The following PTPRD variants were observed in gnomAD, a reference collection of about 807,000 sequenced individuals.
The protein encoded by PTPRD is protein tyrosine phosphatase receptor type D, also known as receptor-type tyrosine-protein phosphatase delta.
In PTPRD, 34 loss-of-function variants were observed where a neutral mutation model predicts 214.5. The observed-to-expected ratio is 0.16, with a 90% CI of 0.12 to 0.21. The LOEUF (loss-of-function observed/expected upper bound fraction) is 0.21. PTPRD is among the 10% of genes least tolerant of loss of function. The probability of loss-of-function intolerance (pLI) is 1.00; values close to 1 mark genes in which losing one functional copy is unlikely to be tolerated. For missense variants in PTPRD, 2,545 were observed against 2,398.7 expected (o/e 1.06, Z -1.27); for synonymous variants, 1,128 against 845.7 (o/e 1.33, Z -5.79).
intron 2 of PTPRD, among the ~76,000 whole-genome samples, chr9:10,345,984 G>A (rs970268362): frequency 3.9e-5 from 6 of 152,032 alleles, no homozygotes; most frequent in East Asian, 3.9e-4. Context: ...ATTTCATTGC[G>A]GTTTTGATTT....
chr9:9,361,900 C>T (rs747902697), intron 9 of PTPRD, among the ~76,000 whole-genome samples: 3 of 150,798 alleles, frequency 2.0e-5, no homozygotes, highest in African/African-American at 7.3e-5. Context: ...CAGGAATAAA[C>T]AAGGATAGAA....
At chr9:9,797,926 G>A (rs1426630616) in intron 5 of PTPRD, among the ~76,000 whole-genome samples, 1 of 152,140 alleles carries the variant, frequency 6.6e-6, no homozygotes, top group Non-Finnish European at 1.5e-5. Context: ...GAAAATGATG[G>A]ATTTGAGGTG....
At chr9:8,842,071 A>G (rs191819944) in intron 11 of PTPRD, among the ~76,000 whole-genome samples, 25 of 152,286 alleles carry the variant, frequency 1.6e-4, no homozygotes, top group African/African-American at 5.3e-4. Flanking sequence ...AACAAAAATA[A>G]CTTCTTGTAT....
At chr9:8,548,934 G>C (rs1348086211) in intron 14 of PTPRD, among the ~76,000 whole-genome samples, 1 of 151,790 alleles carries the variant, frequency 6.6e-6, no homozygotes, top group Admixed American at 6.6e-5. Context: ...CAGGTGATCC[G>C]CCTGCCTCGG....
chr9:9,093,946 A>G (rs745371955), intron 10 of PTPRD, among the ~76,000 whole-genome samples: 3 of 152,138 alleles, frequency 2.0e-5, no homozygotes, highest in Non-Finnish European at 2.9e-5. Flanking sequence ...GAAAGAAAAA[A>G]AAAGGCACAA....
intron 14 of PTPRD, among the ~76,000 whole-genome samples, chr9:8,562,876 G>A (rs1254917194): frequency 7.0e-6 from 1 of 142,088 alleles, no homozygotes; most frequent in Non-Finnish European, 1.5e-5. Context: ...GAGGTTTTAT[G>A]GTATTATGAT....
chr9:9,621,445 A>C (rs2095234298), intron 7 of PTPRD, among the ~76,000 whole-genome samples: 1 of 152,314 alleles, frequency 6.6e-6, no homozygotes, highest in Non-Finnish European at 1.5e-5. Flanking sequence ...GTTCCATAGA[A>C]GTTCTGTGTA....
chr9:9,923,355 A>G (rs1015202094), intron 5 of PTPRD, among the ~76,000 whole-genome samples: 1 of 151,850 alleles, frequency 6.6e-6, no homozygotes, highest in African/African-American at 2.4e-5. Flanking sequence ...GGAAAACGAC[A>G]AAAGACAGGA....
At chr9:9,889,404 T>C (rs998254702) in intron 5 of PTPRD, among the ~76,000 whole-genome samples, 1 of 152,018 alleles carries the variant, frequency 6.6e-6, no homozygotes, top group East Asian at 1.9e-4. Context: ...AATTAAAAAA[T>C]ACAAATTTAA....
chr9:10,170,867 TAAC>T (rs1193487799), intron 3 of PTPRD, among the ~76,000 whole-genome samples: 1 of 152,164 alleles, frequency 6.6e-6, no homozygotes. Flanking sequence ...TAAACATTCA[TAAC>T]AACATTTTTT....
At chr9:9,959,817 G>T (rs1449169626) in intron 4 of PTPRD, among the ~76,000 whole-genome samples, 1 of 152,158 alleles carries the variant, frequency 6.6e-6, no homozygotes, top group Non-Finnish European at 1.5e-5. Flanking sequence ...GATAAGCAAG[G>T]AGAGGAAGCT....
chr9:9,651,837 T>TG lies in PTPRD; in HGVS notation c.-286-77057_-286-77056insC, dbSNP rs1226592939. On this transcript the variant is annotated intron_variant, in intron 7 of 45. Transcript: ENST00000381196. ...TTTATTCAAGGTTTGTTTTTTTTTT[T>TG]TTTTTTTTTTTTTTTTTAATGGAGT... 4.6e-3 allele frequency among the ~76,000 whole-genome samples: 599 copies of TG among 130,932 alleles called. 16 individuals are homozygous for TG. In the South Asian group the frequency reaches 0.052, roughly 11 times the overall value. 85.9% of individuals were successfully genotyped at this position (130,932 alleles called of 152,430 possible). A position where few individuals can be genotyped will look rare whatever the true frequency, so the allele number is the denominator to read the frequency against.
chr9:8,476,292 C>G (rs1416251383), intron 30 of PTPRD, among the ~76,000 whole-genome samples: 1 of 152,168 alleles, frequency 6.6e-6, no homozygotes, highest in Non-Finnish European at 1.5e-5. Flanking sequence ...CAATAGGGTT[C>G]ATGTTCCTGA....
chr9:10,221,817 A>G (rs1026532995), intron 3 of PTPRD, among the ~76,000 whole-genome samples: 2 of 151,946 alleles, frequency 1.3e-5, no homozygotes, highest in Admixed American at 6.6e-5. Context: ...CTTACCTGCT[A>G]TATCATTATA....
At chr9:9,866,417 G>A (rs954213196) in intron 5 of PTPRD, among the ~76,000 whole-genome samples, 1 of 152,092 alleles carries the variant, frequency 6.6e-6, no homozygotes, top group Non-Finnish European at 1.5e-5. Flanking sequence ...CCATAAATAT[G>A]TTTTTATACA....
intron 2 of PTPRD, among the ~76,000 whole-genome samples, chr9:10,461,238 C>A (rs1215179515): frequency 1.7e-5 from 2 of 116,982 alleles, no homozygotes; most frequent in South Asian, 2.9e-4. Flanking sequence ...TAAGAGATAA[C>A]AGGTGTTGGT....
At chr9:9,073,586 G>A (rs2099746917) in intron 10 of PTPRD, among the ~76,000 whole-genome samples, 1 of 152,120 alleles carries the variant, frequency 6.6e-6, no homozygotes, top group African/African-American at 2.4e-5. Context: ...CCAAAAAGAA[G>A]AAATTTTACC....
intron 2 of PTPRD, among the ~76,000 whole-genome samples, chr9:10,361,239 C>A (rs1333197667): frequency 4.6e-5 from 7 of 152,190 alleles, no homozygotes; most frequent in Non-Finnish European, 1.5e-5. Context: ...GTAGATTCTT[C>A]CATCTGCTTT....
chr9:8,852,072 G>C (rs1467079650), intron 11 of PTPRD, among the ~76,000 whole-genome samples: 1 of 147,982 alleles, frequency 6.8e-6, no homozygotes, highest in Non-Finnish European at 1.5e-5. Context: ...AAAAAAAAAA[G>C]ATGTCTCTTG....
Sources: allele counts gnomAD v4.1 joint callset (sites outside exome capture counted in the v4.1 genomes callset), GRCh38; gene constraint gnomAD v4.1.1; transcripts MANE v1.5; gene names NCBI Gene and HGNC (gene_info 2026-07-23, HGNC 2026-07-21).